The following HAUS6 variants were observed in gnomAD, a reference collection of about 807,000 sequenced individuals.
HAUS6 encodes HAUS augmin like complex subunit 6, also known as HAUS augmin-like complex subunit 6.
A neutral mutation model predicts 106.8 loss-of-function variants in HAUS6; 80 were observed. The observed-to-expected ratio is 0.75, with a 90% confidence interval of 0.63 to 0.90. The LOEUF (loss-of-function observed/expected upper bound fraction) is 0.90, where lower values mean the gene tolerates loss of function less well. Among genes scored for constraint, HAUS6 ranks in the 40% least tolerant of loss-of-function variants. HAUS6 has a pLI of 0.00. For missense variants in HAUS6, 1,155 were observed against 1,118.1 expected (o/e 1.03, Z -0.47); for synonymous variants, 356 against 379.1 (o/e 0.94, Z 0.71).
intron 12 of HAUS6, among the ~76,000 whole-genome samples, chr9:19,064,100 T>G (rs1836705472): frequency 1.3e-5 from 2 of 152,182 alleles, no homozygotes; most frequent in South Asian, 4.1e-4. Flanking sequence ...CCTGAGTAGC[T>G]GGAATTACAG....
At chr9:19,072,951 T>C (rs1354874332) in intron 11 of HAUS6, among the ~76,000 whole-genome samples, 1 of 151,954 alleles carries the variant, frequency 6.6e-6, no homozygotes, top group Non-Finnish European at 1.5e-5. Flanking sequence ...GTTTGAAAAA[T>C]ACAAACATTA....
chr9:19,094,781 A>C (rs536749590), intron 2 of HAUS6, among the ~76,000 whole-genome samples: 14 of 152,224 alleles, frequency 9.2e-5, no homozygotes, highest in African/African-American at 3.4e-4. Context: ...ACCCTGTCTC[A>C]AAAGAAAAAA....
intron 11 of HAUS6, among the ~76,000 whole-genome samples, chr9:19,072,618 T>C (rs1418335729): frequency 6.6e-6 from 1 of 151,120 alleles, no homozygotes; most frequent in African/African-American, 2.4e-5. Context: ...GAAAGACAAA[T>C]AAATGTCAAT....
intron 14 of HAUS6, among the ~76,000 whole-genome samples, chr9:19,062,632 A>G (rs1390690722): frequency 6.6e-6 from 1 of 152,192 alleles, no homozygotes; most frequent in Non-Finnish European, 1.5e-5. Context: ...TATTTCGCTT[A>G]GGATCCCAAC....
chr9:19,076,475 T>C (rs1837006656), intron 11 of HAUS6, 127 bp downstream of exon 11: 11 of 664,652 alleles, frequency 1.7e-5, no homozygotes, highest in Non-Finnish European at 3.0e-5. Context: ...AATTTTATGT[T>C]ACATGCATTT....
At chr9:19,079,035 G>A (rs932341614) in intron 9 of HAUS6, among the ~76,000 whole-genome samples, 1 of 149,536 alleles carries the variant, frequency 6.7e-6, no homozygotes, top group Admixed American at 6.7e-5. Context: ...ATGGTGGCAT[G>A]CACCTGTAAT....
intron 9 of HAUS6, among the ~76,000 whole-genome samples, chr9:19,079,121 G>A (rs1240198305): frequency 5.6e-5 from 8 of 143,390 alleles, no homozygotes; most frequent in East Asian, 2.0e-4. Context: ...CCGAGATTGC[G>A]CTATTGTGCT....
At chr9:19,084,697 A>G (rs1436147600) in intron 7 of HAUS6, among the ~76,000 whole-genome samples, 3 of 151,164 alleles carry the variant, frequency 2.0e-5, no homozygotes, top group Non-Finnish European at 4.4e-5. Context: ...CAGTGGCACA[A>G]TCTTGGCTCA....
rs940432323 is a variant in HAUS6 at position 19,055,238 on chromosome 9, G to C, written c.*1105C>G. On this transcript the variant is annotated 3_prime_UTR_variant, in exon 17 of 17. Transcript: ENST00000380502. ...AAGATTTTGATGGTAGTGAGATGGGGTCTACAAAGGGTATTGTAGGTACTA... is the reference window on the plus strand; with the variant it reads ...AAGATTTTGATGGTAGTGAGATGGGCTCTACAAAGGGTATTGTAGGTACTA... 4 of 152,174 alleles carry C rather than the reference G, an allele frequency of 2.6e-5. No individual in the cohort carries two copies. Among genetic ancestry groups the C allele is most frequent in the Middle Eastern group, 3.2e-3 (1 of 316 alleles). 9.4% of individuals were successfully genotyped at this position (152,174 alleles called of 1,614,324 possible). A position where few individuals can be genotyped will look rare whatever the true frequency, so the allele number is the denominator to read the frequency against.
At chr9:19,077,451 C>T (rs920340887) in intron 10 of HAUS6, among the ~76,000 whole-genome samples, 5 of 152,194 alleles carry the variant, frequency 3.3e-5, no homozygotes, top group Non-Finnish European at 5.9e-5. Context: ...AGTAGAACCA[C>T]TTGAACCTCG....
intron 5 of HAUS6, among the ~76,000 whole-genome samples, chr9:19,088,878 AAAAT>A (rs746603428): frequency 3.3e-5 from 5 of 152,130 alleles, no homozygotes; most frequent in African/African-American, 1.2e-4. Context: ...ACTCCATCCC[AAAAT>A]AAATAAATAA....
rs1564005771 is a variant in HAUS6, at chr9:19,058,394, A to G, written c.2373T>C (p.Ser791=). 1 of 1,613,864 alleles carries G rather than the reference A, an allele frequency of 6.2e-7. No homozygotes were observed. The highest frequency in any genetic ancestry group is 2.2e-5 in the East Asian group (1 of 44,886). The change falls in exon 16 of 17, where the codon AGT becomes AGC. Residue 791 remains serine, a synonymous_variant. Coordinates refer to ENST00000380502, the MANE Select transcript of HAUS6 (RefSeq NM_017645.5). ...PEEVGHLSFN[S]SSSSEANFKL... is the part of the protein sequence containing the mutation. ...TAAAATTGGCCTCTGAACTACTGGA[A>G]CTATTAAAACTTAGATGACCAACTT...
chr9:19,099,474 G>A (rs1277848583), intron 1 of HAUS6, among the ~76,000 whole-genome samples: 1 of 150,930 alleles, frequency 6.6e-6, no homozygotes. Context: ...CCTCTTTTTT[G>A]TTTTTAAGAG....
Position 19,060,891 on chromosome 9 carries a change from G to A in HAUS6, c.1630-668C>T, listed in dbSNP as rs150274352. 3.7e-3 allele frequency among the ~76,000 whole-genome samples: 565 copies of A among 152,350 alleles called. 4 individuals carry two copies. Among genetic ancestry groups the A allele is most frequent in the African/African-American group, 0.013 (540 of 41,592 alleles). The stretch of plus-strand genomic sequence containing the variant: ...AAATTGACCCAAGAGGCCGGGCATG[G>A]TGGCTCACGCCTGTAATCCCAGCAC... On this transcript the variant is annotated intron_variant, in intron 14 of 16. Coordinates refer to ENST00000380502, the MANE Select transcript of HAUS6 (RefSeq NM_017645.5).
chr9:19,071,347 G>C (rs1400873261), intron 11 of HAUS6, among the ~76,000 whole-genome samples: 2 of 152,222 alleles, frequency 1.3e-5, no homozygotes, highest in Admixed American at 1.3e-4. Context: ...TAAAAGATAT[G>C]AAAGACAGAA....
chr9:19,080,807 C>T, intron 8 of HAUS6, 135 bp from the exon 9 acceptor site: 1 of 597,254 alleles, frequency 1.7e-6, no homozygotes, highest in Non-Finnish European at 2.9e-6. Context: ...ACGGCTCACA[C>T]CTGTAATCCC....
rs1253681107 is a variant in HAUS6, at chr9:19,054,410, G to A, written c.*1933C>T. 3.3e-5 allele frequency: 5 copies of A among 152,178 alleles called. No homozygotes were observed. Among genetic ancestry groups the A allele is most frequent in the Admixed American group, 2.6e-4 (4 of 15,278 alleles). 9.4% of individuals were successfully genotyped at this position (152,178 alleles called of 1,614,324 possible). A position where few individuals can be genotyped will look rare whatever the true frequency, so the allele number is the denominator to read the frequency against. ...GATACTGGATAGGGAAAAGGCTGAAGGCAAAAAGCTGCCATCACATTGGTT... is the reference window on the plus strand; with the variant it reads ...GATACTGGATAGGGAAAAGGCTGAAAGCAAAAAGCTGCCATCACATTGGTT... On this transcript the variant is annotated 3_prime_UTR_variant, in exon 17 of 17. Transcript: ENST00000380502.
intron 4 of HAUS6, chr9:19,089,772 C>A: frequency 1.9e-6 from 1 of 535,134 alleles, no homozygotes; most frequent in East Asian, 3.1e-5. Flanking sequence ...CATCACGTAA[C>A]TAACAACTCC....
chr9:19,102,202 AC>A (rs56857169), intron 1 of HAUS6, among the ~76,000 whole-genome samples: 15,828 of 151,904 alleles, frequency 0.1, 1,200 homozygotes, highest in African/African-American at 0.22. Flanking sequence ...TTCCACTACC[AC>A]CCGCCATCCC....
Sources: gnomAD v4.1 joint callset for allele counts (sites outside exome capture counted in the v4.1 genomes callset) on GRCh38, gnomAD v4.1.1 for gene constraint, MANE v1.5 for transcripts, NCBI Gene and HGNC (gene_info 2026-07-23, HGNC 2026-07-21) for gene names.